Variants in ANO10 observed in about 807,000 individuals in gnomAD.
ANO10 encodes the protein anoctamin 10, also known as anoctamin-10.
In ANO10, 77 loss-of-function variants were observed where a neutral mutation model predicts 74.7. The ratio of observed to expected loss-of-function variants is 1.03; its 90% confidence interval spans 0.86 to 1.25. The LOEUF is 1.25. Among genes scored for constraint, ANO10 ranks in the 50% most tolerant of loss-of-function variants. The pLI is 0.00. For synonymous variants in ANO10, 279 were observed against 284.9 expected (o/e 0.98, Z 0.21); for missense variants, 721 against 778.1 (o/e 0.93, Z 0.87).
At chr3:43,375,761 TC>T (rs1258579402) in intron 12 of ANO10, among the ~76,000 whole-genome samples, 2 of 151,204 alleles carry the variant, frequency 1.3e-5, no homozygotes, top group Non-Finnish European at 3.0e-5. Context: ...GACAGTTTAT[TC>T]CCCCCTTGTC....
At chr3:43,633,307 A>G (rs2083569498) in intron 1 of ANO10, among the ~76,000 whole-genome samples, 1 of 152,212 alleles carries the variant, frequency 6.6e-6, no homozygotes, top group Non-Finnish European at 1.5e-5. Context: ...ATGAAATACC[A>G]CATACATATT....
intron 1 of ANO10, among the ~76,000 whole-genome samples, chr3:43,659,204 T>C (rs1485065269): frequency 1.3e-5 from 2 of 152,120 alleles, no homozygotes; most frequent in Non-Finnish European, 2.9e-5. Flanking sequence ...CTGGGACTGG[T>C]TGGACAGTGG....
At position 43,366,578 on chromosome 3, in the gene ANO10, C is replaced by T. The variant is rs553460832; in HGVS notation, c.*328G>A. The T allele has an allele frequency of 8.1e-5, 35 of 430,056 alleles. No homozygotes were observed. The highest frequency in any genetic ancestry group is 3.0e-4 in the East Asian group (6 of 19,680). 26.6% of individuals were successfully genotyped at this position (430,056 alleles called of 1,614,324 possible). On this transcript the variant is annotated 3_prime_UTR_variant, in exon 13 of 13. Coordinates refer to ENST00000292246, the MANE Select transcript of ANO10 (RefSeq NM_018075.5). ...GGGAGTGACACTGCTATGAGGGGAACGTGGAGAGCTGGTGGCTCACTCATG... is the reference window on the plus strand; with the variant it reads ...GGGAGTGACACTGCTATGAGGGGAATGTGGAGAGCTGGTGGCTCACTCATG...
At position 43,596,211 on chromosome 3, in the gene ANO10, C is replaced by T. The variant is rs1218062430; in HGVS notation, c.472+2321G>A. Among the ~76,000 whole-genome samples the T allele has an allele frequency of 3.3e-5, 5 of 152,090 alleles. No homozygotes were observed. The South Asian group carries it at 1.0e-3, about 32-fold the overall frequency. ...CCCGAGGTAATTTATAGATTCAATG[C>T]CATCCCCATCAAGCTACCAATGACT... is the stretch of plus-strand genomic sequence containing the variant. On this transcript the variant is annotated intron_variant, in intron 4 of 12. Transcript: ENST00000292246.
intron 1 of ANO10, among the ~76,000 whole-genome samples, chr3:43,678,877 T>C (rs745872595): frequency 4.6e-5 from 7 of 152,240 alleles, no homozygotes; most frequent in Non-Finnish European, 8.8e-5. Flanking sequence ...AAAGGAGATA[T>C]TAAGCTATTC....
chr3:43,516,403 T>G (rs2077712047), intron 11 of ANO10, among the ~76,000 whole-genome samples: 1 of 152,130 alleles, frequency 6.6e-6, no homozygotes, highest in Non-Finnish European at 1.5e-5. Flanking sequence ...AACACAGCTA[T>G]GCCTATAATA....
intron 1 of ANO10, among the ~76,000 whole-genome samples, chr3:43,669,493 G>T (rs2084031672): frequency 6.6e-6 from 1 of 152,090 alleles, no homozygotes; most frequent in Admixed American, 6.5e-5. Context: ...TCCTGCAGAG[G>T]TTTCTGCTCC....
intron 1 of ANO10, among the ~76,000 whole-genome samples, chr3:43,640,370 T>A (rs1027321124): frequency 2.0e-5 from 3 of 152,150 alleles, no homozygotes; most frequent in Non-Finnish European, 4.4e-5. Context: ...TGAATTTTTT[T>A]AAAAACAACT....
intron 11 of ANO10, among the ~76,000 whole-genome samples, chr3:43,496,369 G>T (rs1004938415): frequency 2.0e-5 from 3 of 152,086 alleles, no homozygotes; most frequent in Admixed American, 6.5e-5. Context: ...TACCCTAGTG[G>T]TCTATTCCTA....
At chr3:43,598,791 A>C (rs1291133436) in intron 3 of ANO10, 125 bp from the exon 4 acceptor site, 12 of 776,930 alleles carry the variant, frequency 1.5e-5, no homozygotes, top group Non-Finnish European at 2.4e-5. Context: ...TCAAAGTATG[A>C]AGCTGGTAAA....
chr3:43,671,323 G>A (rs2084056548), intron 1 of ANO10, among the ~76,000 whole-genome samples: 1 of 152,060 alleles, frequency 6.6e-6, no homozygotes, highest in Non-Finnish European at 1.5e-5. Context: ...ATGTAAGACA[G>A]GACTAATCCC....
In ANO10 at chr3:43,604,523, T is replaced by C. The variant is rs530424453; in HGVS notation, c.139+1191A>G. Among the ~76,000 whole-genome samples, 87 of 152,144 alleles carry C rather than the reference T, an allele frequency of 5.7e-4. 1 individual carries two copies. In the South Asian group the frequency reaches 0.017, roughly 29 times the overall value. On this transcript the variant is annotated intron_variant, in intron 2 of 12. Transcript: ENST00000292246. ...TATCTTCTTTTTTTTTTTTGGTCCA[T>C]GTGACTTCGGTCTTTTATATATTTT...
chr3:43,397,184 C>G (rs2148861375), intron 12 of ANO10, among the ~76,000 whole-genome samples: 1 of 152,278 alleles, frequency 6.6e-6, no homozygotes, highest in Admixed American at 6.5e-5. Flanking sequence ...CTGCCTCAGC[C>G]TCCTAAAATG....
At chr3:43,523,580 T>G (rs2078054648) in intron 11 of ANO10, among the ~76,000 whole-genome samples, 1 of 152,128 alleles carries the variant, frequency 6.6e-6, no homozygotes, top group South Asian at 2.1e-4. Flanking sequence ...ATGGGTTAGA[T>G]GAAACAACCA....
intron 9 of ANO10, among the ~76,000 whole-genome samples, chr3:43,558,253 C>G (rs2079856148): frequency 6.6e-6 from 1 of 152,076 alleles, no homozygotes. Flanking sequence ...ACATTTCTGG[C>G]AAACCTCTGT....
At chr3:43,406,901 A>T (rs998983133) in intron 12 of ANO10, among the ~76,000 whole-genome samples, 1 of 147,988 alleles carries the variant, frequency 6.8e-6, no homozygotes, top group African/African-American at 2.4e-5. Flanking sequence ...GTCTCGCAAC[A>T]GAGATTTTTT....
Position 43,473,478 on chromosome 3 carries a change from G to T in ANO10, c.1798-40751C>A, listed in dbSNP as rs549778557. On this transcript the variant is annotated intron_variant, in intron 11 of 12. Transcript: ENST00000292246. ...AGTCAGAGAGAGCATGACCACCCCTGTGCTCTCAGTGCCACACGCGCCTCT... is the reference window on the plus strand; with the variant it reads ...AGTCAGAGAGAGCATGACCACCCCTTTGCTCTCAGTGCCACACGCGCCTCT... 2.0e-5 allele frequency among the ~76,000 whole-genome samples: 3 copies of T among 152,236 alleles called. No homozygotes were observed. In the East Asian group the frequency reaches 5.8e-4, roughly 29 times the overall value.
At chr3:43,614,571 TAAAAAATGGAAAGAACCCAG>T (rs1480536705) in intron 1 of ANO10, among the ~76,000 whole-genome samples, 1 of 151,798 alleles carries the variant, frequency 6.6e-6, no homozygotes, top group Non-Finnish European at 1.5e-5. Context: ...CAGCTGAAGC[TAAAAAATGGAAAGAACCCAG>T]TTTGGGGATA....
At chr3:43,571,146 C>T (rs1183482313) in intron 7 of ANO10, among the ~76,000 whole-genome samples, 1 of 150,150 alleles carries the variant, frequency 6.7e-6, no homozygotes, top group Admixed American at 6.6e-5. Flanking sequence ...TACCATCTCA[C>T]ACCAGTTAGA....
Sources: allele counts gnomAD v4.1 joint callset (sites outside exome capture counted in the v4.1 genomes callset), GRCh38; gene constraint gnomAD v4.1.1; transcripts MANE v1.5; gene names NCBI Gene and HGNC (gene_info 2026-07-23, HGNC 2026-07-21).